ITGA2: variants seen among roughly 807,000 people sequenced by gnomAD.
The protein encoded by ITGA2 is integrin alpha-2.
In ITGA2, 101 loss-of-function variants were observed where a neutral mutation model predicts 146.3. That is an observed-to-expected ratio of 0.69 (90% CI 0.59 to 0.81). The LOEUF is 0.81. ITGA2 is among the 40% of genes least tolerant of loss of function. ITGA2 has a pLI of 0.00. For missense variants in ITGA2, 1,281 were observed against 1,402.7 expected, an observed-to-expected ratio of 0.91 and a Z score of 1.39; for synonymous variants, 477 against 487.1, an observed-to-expected ratio of 0.98 and a Z score of 0.27.
intron 17 of ITGA2, among the ~76,000 whole-genome samples, chr5:53,070,555 C>T (rs993477476): frequency 6.6e-6 from 1 of 151,864 alleles, no homozygotes; most frequent in East Asian, 1.9e-4. Context: ...ACAGAGAGAA[C>T]TTTCCATTGG....
Position 53,065,095 on chromosome 5 carries a change from A to C in ITGA2, c.1786A>C (p.Ile596Leu), listed in dbSNP as rs1443761293. ...VYIYNGHQGT[I>L]RTKYSQKILG... ...CATTTACAATGGTCATCAGGGCACT[A>C]TCCGCACAAAGTATTCCCAGGTAAT... is the stretch of plus-strand genomic sequence containing the variant. The change falls in exon 14 of 30, where the codon ATC becomes CTC. Residue 596 changes from isoleucine to leucine, a missense_variant. Around this residue, in one of 3 missense-constraint regions of ITGA2, gnomAD observed 795 missense variants for 841.7 expected, o/e 0.94. Transcript: ENST00000296585. 6.2e-7 allele frequency: 1 copy of C among 1,612,616 alleles called. No individual in the cohort carries two copies. Among genetic ancestry groups the C allele is most frequent in the South Asian group, 1.1e-5 (1 of 91,068 alleles).
chr5:53,055,180 C>A (rs893663306), intron 7 of ITGA2, among the ~76,000 whole-genome samples: 1 of 151,924 alleles, frequency 6.6e-6, no homozygotes, highest in Non-Finnish European at 1.5e-5. Context: ...AAAGTAAACA[C>A]AAGACTAATG....
At chr5:53,070,890 C>CT (rs3212572) in intron 17 of ITGA2, among the ~76,000 whole-genome samples, 13,829 of 151,882 alleles carry the variant, frequency 0.091, 692 homozygotes, top group Middle Eastern at 0.16. Context: ...CAGGAAATCA[C>CT]TTTTTTAAAA....
intron 20 of ITGA2, among the ~76,000 whole-genome samples, chr5:53,074,174 G>T (rs1387444390): frequency 6.6e-6 from 1 of 151,780 alleles, no homozygotes; most frequent in East Asian, 1.9e-4. Context: ...TGTTTTGTTG[G>T]ATGTTCTAGG....
chr5:53,078,290 G>A (rs1745753617), intron 23 of ITGA2, among the ~76,000 whole-genome samples: 1 of 152,044 alleles, frequency 6.6e-6, no homozygotes, highest in Non-Finnish European at 1.5e-5. Flanking sequence ...TAGGAAGAAC[G>A]AATAATACAG....
At chr5:53,059,737 A>T (rs757972632) in intron 10 of ITGA2, 137 bp from the exon 11 acceptor site, 2 of 857,348 alleles carry the variant, frequency 2.3e-6, no homozygotes, top group South Asian at 3.0e-5. Flanking sequence ...CAATTCTACA[A>T]TATGTCAATA....
Position 52,991,629 on chromosome 5 carries a change from AAC to A in ITGA2, c.64+2101_64+2102del, listed in dbSNP as rs778664264. ...TATATATACCTGTTAATATGTATAA[AAC>A]ACATGTGTGTTTAGACATCTTGTAT... On this transcript the variant is annotated intron_variant, in intron 1 of 29. Coordinates refer to ENST00000296585, the MANE Select transcript of ITGA2 (RefSeq NM_002203.4). Among the ~76,000 whole-genome samples the A allele has an allele frequency of 2.4e-4, 37 of 152,160 alleles. 1 individual carries two copies. The highest frequency in any genetic ancestry group is 1.2e-3 in the Admixed American group (18 of 15,282).
At chr5:53,074,737 A>C (rs577884195) in intron 21 of ITGA2, among the ~76,000 whole-genome samples, 1 of 152,148 alleles carries the variant, frequency 6.6e-6, no homozygotes, top group African/African-American at 2.4e-5. Flanking sequence ...CATTGGTCAA[A>C]GCACTATACA....
At chr5:53,018,540 C>T (rs1375166748) in intron 1 of ITGA2, among the ~76,000 whole-genome samples, 2 of 151,976 alleles carry the variant, frequency 1.3e-5, no homozygotes, top group Non-Finnish European at 2.9e-5. Flanking sequence ...ACTCTCAATG[C>T]CTTCCCTGCA....
intron 18 of ITGA2, 81 bp downstream of exon 18, chr5:53,072,129 A>G: frequency 4.1e-6 from 4 of 981,384 alleles, no homozygotes; most frequent in Non-Finnish European, 6.5e-6. Flanking sequence ...AAGGATGGTT[A>G]GGATGCAGCC....
At chr5:53,006,350 T>G (rs1017507815) in intron 1 of ITGA2, among the ~76,000 whole-genome samples, 2 of 152,222 alleles carry the variant, frequency 1.3e-5, no homozygotes, top group Admixed American at 6.5e-5. Flanking sequence ...AGCTAGATTC[T>G]TGAAAAAGTT....
chr5:53,006,009 C>T (rs1741828873), intron 1 of ITGA2, among the ~76,000 whole-genome samples: 1 of 151,944 alleles, frequency 6.6e-6, no homozygotes, highest in African/African-American at 2.4e-5. Flanking sequence ...GGAAGCTGAA[C>T]AATGACAAGA....
At chr5:53,025,152 G>C (rs190382120) in intron 1 of ITGA2, among the ~76,000 whole-genome samples, 72 of 152,278 alleles carry the variant, frequency 4.7e-4, no homozygotes, top group African/African-American at 1.7e-3. Context: ...TAATATGTTA[G>C]ATGATTGATA....
chr5:53,038,806 G>A (rs1419558150), intron 2 of ITGA2, among the ~76,000 whole-genome samples: 2 of 152,098 alleles, frequency 1.3e-5, no homozygotes, highest in East Asian at 1.9e-4. Context: ...GATCATCCCC[G>A]GTGGCCAGGC....
intron 10 of ITGA2, among the ~76,000 whole-genome samples, chr5:53,058,857 C>T (rs1744769242): frequency 6.6e-6 from 1 of 151,848 alleles, no homozygotes. Flanking sequence ...ATCTTTCCCT[C>T]AGAAAAAATG....
At chr5:53,012,505 TG>T (rs1742184612) in intron 1 of ITGA2, among the ~76,000 whole-genome samples, 1 of 152,164 alleles carries the variant, frequency 6.6e-6, no homozygotes, top group African/African-American at 2.4e-5. Flanking sequence ...CTACCTTTGG[TG>T]GGCATTTAGG....
At chr5:53,050,571 C>A (rs1368985121) in intron 6 of ITGA2, among the ~76,000 whole-genome samples, 1 of 152,156 alleles carries the variant, frequency 6.6e-6, no homozygotes, top group Non-Finnish European at 1.5e-5. Context: ...CCGCTTCCAC[C>A]TCCTTACATA....
rs764595421 is a variant in ITGA2, at chr5:53,065,121, C to T, written c.1806+6C>T. On this transcript the variant is annotated splice_donor_region_variant and intron_variant, in intron 14 of 29. Transcript: ENST00000296585. ...TCCGCACAAAGTATTCCCAGGTAAT[C>T]CATGAGCTGTTATGGTGATGTATGT... is the stretch of plus-strand genomic sequence containing the variant. The T allele has an allele frequency of 6.2e-7, 1 of 1,611,386 alleles. No individual in the cohort carries two copies. Among genetic ancestry groups the T allele is most frequent in the Non-Finnish European group, 8.5e-7 (1 of 1,178,060 alleles).
rs1481069060 is a variant in ITGA2, at chr5:53,094,495, T to A, written c.*3896T>A. ...TTTTCCTTTATACATAATAGATAAG[T>A]CTTTTTTCAAATGTGGTGTTTGATG... On this transcript the variant is annotated 3_prime_UTR_variant, in exon 30 of 30. Coordinates refer to ENST00000296585, the MANE Select transcript of ITGA2 (RefSeq NM_002203.4). 6.6e-6 allele frequency: 1 copy of A among 152,220 alleles called. No homozygotes were observed. The highest frequency in any genetic ancestry group is 2.4e-5 in the African/African-American group (1 of 41,470). The allele number at this position is 152,220 out of a possible 1,614,324, so 9.4% of individuals were successfully genotyped here.
Sources: gnomAD v4.1 joint callset for allele counts (sites outside exome capture counted in the v4.1 genomes callset) on GRCh38, gnomAD v4.1.1 for gene constraint, gnomAD v4.1.1 regional missense constraint, MANE v1.5 for transcripts, NCBI Gene and HGNC (gene_info 2026-07-23, HGNC 2026-07-21) for gene names.